The following L3MBTL3 variants were observed in gnomAD, a reference collection of about 807,000 sequenced individuals.
L3MBTL3 encodes lethal(3)malignant brain tumor-like protein 3.
A neutral mutation model predicts 102.3 loss-of-function variants in L3MBTL3; 27 were observed. That is an observed-to-expected ratio of 0.26 (90% CI 0.19 to 0.36). L3MBTL3 has a LOEUF of 0.36. L3MBTL3 is among the 10% of genes least tolerant of loss of function. The pLI, the probability that L3MBTL3 is intolerant of heterozygous loss-of-function variation, is 1.00. For synonymous variants in L3MBTL3, 340 were observed against 320.9 expected (o/e 1.06, Z -0.64); for missense variants, 798 against 955.3 (o/e 0.84, Z 2.17).
chr6:130,065,404 C>G (rs1169936105), intron 10 of L3MBTL3, among the ~76,000 whole-genome samples: 2 of 152,086 alleles, frequency 1.3e-5, no homozygotes, highest in African/African-American at 4.8e-5. Flanking sequence ...ATGTGGACCC[C>G]CACATGTCTA....
At chr6:130,128,615 A>G (rs1390643519) in intron 20 of L3MBTL3, among the ~76,000 whole-genome samples, 6 of 152,212 alleles carry the variant, frequency 3.9e-5, no homozygotes, top group African/African-American at 1.4e-4. Flanking sequence ...TATAGTCTTC[A>G]TCTCAGTACA....
At chr6:130,042,604 GA>G (rs1780492640) in intron 2 of L3MBTL3, 80 bp from the exon 3 acceptor site, 1 of 764,252 alleles carries the variant, frequency 1.3e-6, no homozygotes, top group East Asian at 2.6e-5. Flanking sequence ...GTAATTAAGG[GA>G]AACTGAACTA....
At chr6:130,035,127 C>G (rs1352958625) in intron 2 of L3MBTL3, among the ~76,000 whole-genome samples, 1 of 152,002 alleles carries the variant, frequency 6.6e-6, no homozygotes, top group Non-Finnish European at 1.5e-5. Flanking sequence ...AAACATGAAA[C>G]CGGATTTAAA....
chr6:130,097,899 C>G (rs573127211), intron 18 of L3MBTL3, among the ~76,000 whole-genome samples: 1 of 152,248 alleles, frequency 6.6e-6, no homozygotes, highest in African/African-American at 2.4e-5. Flanking sequence ...GAAACCCCAT[C>G]TCTACCAAAA....
At chr6:130,123,848 T>A (rs2114299670) in intron 20 of L3MBTL3, among the ~76,000 whole-genome samples, 1 of 152,290 alleles carries the variant, frequency 6.6e-6, no homozygotes, top group East Asian at 1.9e-4. Context: ...AAGACGTTTC[T>A]CAGTGACACT....
chr6:130,111,553 G>A (rs1367627995), intron 19 of L3MBTL3, among the ~76,000 whole-genome samples: 1 of 152,196 alleles, frequency 6.6e-6, no homozygotes, highest in East Asian at 1.9e-4. Flanking sequence ...CAGAATGAGT[G>A]ATGTGCTGAC....
At chr6:130,035,185 C>T (rs1779977213) in intron 2 of L3MBTL3, among the ~76,000 whole-genome samples, 1 of 152,062 alleles carries the variant, frequency 6.6e-6, no homozygotes, top group Non-Finnish European at 1.5e-5. Context: ...TCAACAGATA[C>T]AAAAAAGTAT....
At chr6:130,023,192 T>C (rs1006498566) in intron 2 of L3MBTL3, among the ~76,000 whole-genome samples, 28 of 152,338 alleles carry the variant, frequency 1.8e-4, no homozygotes, top group African/African-American at 6.7e-4. Flanking sequence ...CCTACCTTTT[T>C]AGAGCAGAAC....
Position 130,133,294 on chromosome 6 carries a change from A to G in L3MBTL3, c.1967-158A>G, listed in dbSNP as rs1787256357. The G allele has an allele frequency of 3.2e-6, 2 of 630,270 alleles. No homozygotes were observed. The highest frequency in any genetic ancestry group is 6.0e-5 in the Admixed American group (2 of 33,122). 39.0% of individuals were successfully genotyped at this position (630,270 alleles called of 1,614,324 possible). A position where few individuals can be genotyped will look rare whatever the true frequency, so the allele number is the denominator to read the frequency against. Reference sequence around the variant, plus strand: ...CAGGTTGTTTTTTATAGTGACCTTCAGTAAAGACAAAGAAGAGCCTATTCA... The same window carrying G: ...CAGGTTGTTTTTTATAGTGACCTTCGGTAAAGACAAAGAAGAGCCTATTCA... On this transcript the variant is annotated intron_variant, in intron 20 of 22. Coordinates refer to ENST00000361794, the MANE Select transcript of L3MBTL3 (RefSeq NM_032438.4). The surrounding 1 kb of genome is among the most constrained non-coding windows in gnomAD (Gnocchi z 4.9).
intron 14 of L3MBTL3, among the ~76,000 whole-genome samples, chr6:130,078,961 A>G (rs1027521034): frequency 1.3e-5 from 2 of 152,212 alleles, no homozygotes; most frequent in African/African-American, 2.4e-5. Context: ...TGGAAAAAAA[A>G]AAGTTCTGTT....
In L3MBTL3 at chr6:130,085,470, G is replaced by A. The variant is rs543420420; in HGVS notation, c.1408-670G>A. Among the ~76,000 whole-genome samples, 3 of 151,994 alleles carry A rather than the reference G, an allele frequency of 2.0e-5. No homozygotes were observed. In the South Asian group the frequency reaches 6.3e-4, roughly 32 times the overall value. ...ATAAATTTTATGCTTGTTGATTTTT[G>A]CCAGTACACCTCCAAATAATAAGAA... is the stretch of plus-strand genomic sequence containing the variant. On this transcript the variant is annotated intron_variant, in intron 15 of 22. Transcript: ENST00000361794.
At chr6:130,023,384 C>T (rs1436755759) in intron 2 of L3MBTL3, among the ~76,000 whole-genome samples, 1 of 152,108 alleles carries the variant, frequency 6.6e-6, no homozygotes, top group Non-Finnish European at 1.5e-5. Flanking sequence ...GCAAGAACAG[C>T]TATAGGAAGG....
At chr6:130,127,699 T>G (rs1049170341) in intron 20 of L3MBTL3, among the ~76,000 whole-genome samples, 3 of 152,208 alleles carry the variant, frequency 2.0e-5, no homozygotes, top group African/African-American at 7.2e-5. Context: ...CATTTTCTTC[T>G]GATATTAACG....
At chr6:130,020,699 C>T (rs561021878) in intron 1 of L3MBTL3, 2 of 151,898 alleles carry the variant, frequency 1.3e-5, no homozygotes, top group East Asian at 3.9e-4. Context: ...CCTTCTGAGT[C>T]CCCCTGCTGC....
intron 17 of L3MBTL3, among the ~76,000 whole-genome samples, 164 bp from the exon 18 acceptor site, chr6:130,094,101 A>G (rs931944160): frequency 6.6e-6 from 1 of 152,060 alleles, no homozygotes; most frequent in Non-Finnish European, 1.5e-5. Context: ...CTTTTAAAAT[A>G]TTTTTCATTT....
At chr6:130,032,716 C>T (rs927281478) in intron 2 of L3MBTL3, among the ~76,000 whole-genome samples, 10 of 152,284 alleles carry the variant, frequency 6.6e-5, no homozygotes, top group African/African-American at 2.2e-4. Flanking sequence ...TCAGGCTGGG[C>T]GTGGTGGCTC....
chr6:130,028,679 G>A lies in L3MBTL3; in HGVS notation c.-16+6374G>A, dbSNP rs966023185. ...GCATATCAAAGGTGGTCTCTGTCATGCTTGATTTGAAAGGAATATTTTTCT... is the reference window on the plus strand; with the variant it reads ...GCATATCAAAGGTGGTCTCTGTCATACTTGATTTGAAAGGAATATTTTTCT... On this transcript the variant is annotated intron_variant, in intron 2 of 22. Coordinates refer to ENST00000361794, the MANE Select transcript of L3MBTL3 (RefSeq NM_032438.4). Among the ~76,000 whole-genome samples the A allele has an allele frequency of 5.3e-5, 8 of 152,208 alleles. No homozygotes were observed. The South Asian group carries it at 1.7e-3, about 32-fold the overall frequency.
intron 2 of L3MBTL3, among the ~76,000 whole-genome samples, chr6:130,034,141 G>A (rs1779899385): frequency 6.6e-6 from 1 of 152,120 alleles, no homozygotes; most frequent in Non-Finnish European, 1.5e-5. Flanking sequence ...CTCACTCTGA[G>A]CCTCTGTTTT....
At chr6:130,029,375 C>G (rs750152572) in intron 2 of L3MBTL3, among the ~76,000 whole-genome samples, 14 of 152,206 alleles carry the variant, frequency 9.2e-5, no homozygotes, top group Non-Finnish European at 1.8e-4. Flanking sequence ...TACCAGCTCT[C>G]TTGAAAGCAG....
Sources: allele counts gnomAD v4.1 joint callset (sites outside exome capture counted in the v4.1 genomes callset), GRCh38; gene constraint gnomAD v4.1.1; non-coding constraint Gnocchi (gnomAD v3.1); transcripts MANE v1.5; gene names NCBI Gene and HGNC (gene_info 2026-07-23, HGNC 2026-07-21).